The following STUM variants were observed in gnomAD, a reference collection of about 807,000 sequenced individuals.
STUM encodes protein stum homolog.
STUM carries 8 observed loss-of-function variants against 15.3 expected under a neutral mutation model. The ratio of observed to expected loss-of-function variants is 0.52; its 90% CI spans 0.31 to 0.94. The LOEUF (loss-of-function observed/expected upper bound fraction) is 0.94. Among genes scored for constraint, STUM ranks in the 40% least tolerant of loss-of-function variants. STUM has a pLI of 0.05. For synonymous variants in STUM, 78 were observed against 88.7 expected, an observed-to-expected ratio of 0.88 and a Z score of 0.68; for missense variants, 142 against 204.9, an observed-to-expected ratio of 0.69 and a Z score of 1.87.
Position 226,573,298 on chromosome 1 carries a change from G to A in STUM, c.203-23504G>A, listed in dbSNP as rs368029674. ...CTACTTCACAGGCTTGTTGCCATAA[G>A]TGAGTTAATGCACATAGAGCTTTTG... On this transcript the variant is annotated intron_variant, in intron 1 of 3. Coordinates refer to ENST00000366788, the MANE Select transcript of STUM (RefSeq NM_001003665.4). Among the ~76,000 whole-genome samples, 5 of 152,214 alleles carry A rather than the reference G, an allele frequency of 3.3e-5. No individual in the cohort carries two copies. In the East Asian group the frequency reaches 5.8e-4, roughly 18 times the overall value.
chr1:226,608,021 C>T lies in STUM; in HGVS notation c.*5981C>T, dbSNP rs41303101. The T allele has an allele frequency of 0.025, 3,775 of 152,590 alleles. 82 individuals are homozygous for T. The highest frequency in any genetic ancestry group is 0.035 in the Non-Finnish European group (2,398 of 68,224). The allele number at this position is 152,590 out of a possible 1,614,324, so 9.5% of individuals were successfully genotyped here. ...TTTTCCCTCATCACATCCCTGACCC[C>T]TGCCCAGCCCACATGCACATGCTGT... On this transcript the variant is annotated 3_prime_UTR_variant, in exon 4 of 4. Coordinates refer to ENST00000366788, the MANE Select transcript of STUM (RefSeq NM_001003665.4). This position sits in a 1 kb window ranked among gnomAD's most constrained non-coding sequence, Gnocchi z 4.0.
In STUM at chr1:226,549,207, G is replaced by C; in HGVS notation, c.202+101G>C. 2.9e-6 allele frequency: 3 copies of C among 1,044,780 alleles called. No individual in the cohort carries two copies. The highest frequency in any genetic ancestry group is 1.6e-5 in the South Asian group (1 of 64,332). 64.7% of individuals were successfully genotyped at this position (1,044,780 alleles called of 1,614,324 possible). A position where few individuals can be genotyped will look rare whatever the true frequency, so the allele number is the denominator to read the frequency against. ...CGGAGACCTCCTGGCGGGGCCGCGC[G>C]CTCCAAGTGCTGCGACCACGCGCCA... On this transcript the variant is annotated intron_variant, in intron 1 of 3. Coordinates refer to ENST00000366788, the MANE Select transcript of STUM (RefSeq NM_001003665.4). The surrounding 1 kb of genome is among the most constrained non-coding windows in gnomAD (Gnocchi z 6.8).
chr1:226,579,048 TC>T (rs1667870183), intron 1 of STUM, among the ~76,000 whole-genome samples: 1 of 152,178 alleles, frequency 6.6e-6, no homozygotes, highest in African/African-American at 2.4e-5. Flanking sequence ...CTAAATTTGA[TC>T]AGGTTCATGA....
At chr1:226,563,934 A>G (rs1478649192) in intron 1 of STUM, among the ~76,000 whole-genome samples, 3 of 152,232 alleles carry the variant, frequency 2.0e-5, no homozygotes, top group Non-Finnish European at 4.4e-5. Context: ...CTGAGGCTCA[A>G]GGCAGAAAGG....
At position 226,600,248 on chromosome 1, in the gene STUM, A is replaced by G. The variant is rs576411122; in HGVS notation, c.383-418A>G. Among the ~76,000 whole-genome samples the G allele has an allele frequency of 6.6e-6, 1 of 152,232 alleles. No homozygotes were observed. Among genetic ancestry groups the G allele is most frequent in the African/African-American group, 2.4e-5 (1 of 41,464 alleles). ...CAGGAGTTTGAGGCTGCAGTGAGAC[A>G]TGATCACACCACTATACTCTAGCTG... On this transcript the variant is annotated intron_variant, in intron 2 of 3. Transcript: ENST00000366788. This position sits in a 1 kb window ranked among gnomAD's most constrained non-coding sequence, Gnocchi z 5.2.
At position 226,606,911 on chromosome 1, in the gene STUM, G is replaced by C. The variant is rs1297522836; in HGVS notation, c.*4871G>C. 1.3e-5 allele frequency: 2 copies of C among 152,328 alleles called. No individual in the cohort carries two copies. Among genetic ancestry groups the C allele is most frequent in the Non-Finnish European group, 2.9e-5 (2 of 68,128 alleles). 9.4% of individuals were successfully genotyped at this position (152,328 alleles called of 1,614,324 possible). On this transcript the variant is annotated 3_prime_UTR_variant, in exon 4 of 4. Coordinates refer to ENST00000366788, the MANE Select transcript of STUM (RefSeq NM_001003665.4). ...GCAAGCTCATCGAGAGCTAACGTGGGCCCAGCAGTCCTGTGCTTGGAAATG... is the reference window on the plus strand; with the variant it reads ...GCAAGCTCATCGAGAGCTAACGTGGCCCCAGCAGTCCTGTGCTTGGAAATG...
At position 226,605,527 on chromosome 1, in the gene STUM, G is replaced by A. The variant is rs1668342538; in HGVS notation, c.*3487G>A. On this transcript the variant is annotated 3_prime_UTR_variant, in exon 4 of 4. Coordinates refer to ENST00000366788, the MANE Select transcript of STUM (RefSeq NM_001003665.4). The surrounding 1 kb of genome is among the most constrained non-coding windows in gnomAD (Gnocchi z 4.0). The stretch of plus-strand genomic sequence containing the variant: ...ATAGGGTGATTATGTCACATGTTTA[G>A]TGATACAATCCCACCTGTGTCTGGA... The A allele has an allele frequency of 6.6e-6, 1 of 152,150 alleles. No individual in the cohort carries two copies. Among genetic ancestry groups the A allele is most frequent in the Non-Finnish European group, 1.5e-5 (1 of 68,012 alleles). The allele number at this position is 152,150 out of a possible 1,614,324, so 9.4% of individuals were successfully genotyped here.
chr1:226,600,768 A>G lies in STUM; in HGVS notation c.391+94A>G, dbSNP rs963000100. Reference sequence around the variant, plus strand: ...ACTCCTGCACACAAACACCCCACCCACTCTCCCAGTGGGTCAATGGGCTTT... The same window carrying G: ...ACTCCTGCACACAAACACCCCACCCGCTCTCCCAGTGGGTCAATGGGCTTT... On this transcript the variant is annotated intron_variant, in intron 3 of 3. Transcript: ENST00000366788. This position sits in a 1 kb window ranked among gnomAD's most constrained non-coding sequence, Gnocchi z 5.2. 2.2e-6 allele frequency: 3 copies of G among 1,363,300 alleles called. No homozygotes were observed. The highest frequency in any genetic ancestry group is 4.6e-5 in the East Asian group (2 of 43,430). The allele number at this position is 1,363,300 out of a possible 1,614,324, so 84.5% of individuals were successfully genotyped here.
rs557720222 is a variant in STUM, at chr1:226,577,366, A to T, written c.203-19436A>T. On this transcript the variant is annotated intron_variant, in intron 1 of 3. Coordinates refer to ENST00000366788, the MANE Select transcript of STUM (RefSeq NM_001003665.4). Reference sequence around the variant, plus strand: ...AAACCCGGTTAAAAAAAAAAGTGAAATTGTACCCAGAAATCTAGTACAGCT... The same window carrying T: ...AAACCCGGTTAAAAAAAAAAGTGAATTTGTACCCAGAAATCTAGTACAGCT... Among the ~76,000 whole-genome samples, 5 of 152,250 alleles carry T rather than the reference A, an allele frequency of 3.3e-5. No individual in the cohort carries two copies. In the East Asian group the frequency reaches 9.6e-4, roughly 29 times the overall value.
chr1:226,595,873 T>C (rs563731967), intron 1 of STUM, among the ~76,000 whole-genome samples: 2 of 152,232 alleles, frequency 1.3e-5, no homozygotes, highest in Admixed American at 6.5e-5. Context: ...TGAGGACCCA[T>C]TGCAGACTCT....
intron 1 of STUM, among the ~76,000 whole-genome samples, chr1:226,588,953 C>T (rs575009941): frequency 3.3e-5 from 5 of 152,350 alleles, no homozygotes; most frequent in South Asian, 2.1e-4. Flanking sequence ...CCAACTCCTC[C>T]GGAGAAGTGA....
At chr1:226,554,641 A>T (rs886537550) in intron 1 of STUM, among the ~76,000 whole-genome samples, 1 of 152,146 alleles carries the variant, frequency 6.6e-6, no homozygotes, top group Non-Finnish European at 1.5e-5. Flanking sequence ...AAAGCAATAT[A>T]AGTGTACTCT....
At chr1:226,595,498 C>G (rs766004758) in intron 1 of STUM, among the ~76,000 whole-genome samples, 37 of 152,238 alleles carry the variant, frequency 2.4e-4, no homozygotes, top group African/African-American at 8.2e-4. Context: ...GAATCTCTCT[C>G]TGTGTGTGTA....
intron 1 of STUM, among the ~76,000 whole-genome samples, chr1:226,555,370 G>A (rs909342376): frequency 3.9e-4 from 60 of 152,216 alleles, no homozygotes; most frequent in African/African-American, 1.4e-3. Context: ...AAACCAAAAG[G>A]CATCCTAGAC....
At chr1:226,570,657 C>G (rs1472197574) in intron 1 of STUM, among the ~76,000 whole-genome samples, 2 of 152,208 alleles carry the variant, frequency 1.3e-5, no homozygotes, top group Non-Finnish European at 2.9e-5. Flanking sequence ...TCTTTGAGCT[C>G]CCTGCTTCCC....
chr1:226,582,099 C>G (rs1667927487), intron 1 of STUM, among the ~76,000 whole-genome samples: 1 of 152,200 alleles, frequency 6.6e-6, no homozygotes, highest in Non-Finnish European at 1.5e-5. Context: ...TCCTGGAAGC[C>G]CTGGTCCCAG....
At position 226,549,538 on chromosome 1, in the gene STUM, A is replaced by G. The variant is rs563508729; in HGVS notation, c.202+432A>G. Among the ~76,000 whole-genome samples, 17 of 152,274 alleles carry G rather than the reference A, an allele frequency of 1.1e-4. No individual in the cohort carries two copies. The highest frequency in any genetic ancestry group is 4.1e-4 in the African/African-American group (17 of 41,552). On this transcript the variant is annotated intron_variant, in intron 1 of 3. Coordinates refer to ENST00000366788, the MANE Select transcript of STUM (RefSeq NM_001003665.4). This position sits in a 1 kb window ranked among gnomAD's most constrained non-coding sequence, Gnocchi z 6.8. ...TCTAGGGCCTCGGCGGCGAGGATCA[A>G]ACTCCCGGGCGTCGAAGTCAGCTGA...
At chr1:226,586,285 A>G (rs1410385460) in intron 1 of STUM, among the ~76,000 whole-genome samples, 1 of 152,060 alleles carries the variant, frequency 6.6e-6, no homozygotes, top group African/African-American at 2.4e-5. Flanking sequence ...CCTGGCTATG[A>G]ACTCCCACTG....
intron 1 of STUM, among the ~76,000 whole-genome samples, chr1:226,557,708 A>T (rs1228158414): frequency 4.6e-5 from 7 of 152,268 alleles, no homozygotes; most frequent in Non-Finnish European, 1.0e-4. Context: ...ATAGGCCCAT[A>T]TCCTTAATGA....
Sources: gnomAD v4.1 joint callset for allele counts (sites outside exome capture counted in the v4.1 genomes callset) on GRCh38, gnomAD v4.1.1 for gene constraint, Gnocchi (gnomAD v3.1) non-coding constraint, MANE v1.5 for transcripts, NCBI Gene and HGNC (gene_info 2026-07-23, HGNC 2026-07-21) for gene names.